Variants in CTNNA3 observed in about 807,000 individuals in gnomAD.
CTNNA3 encodes catenin alpha 3, also known as catenin alpha-3.
CTNNA3 carries 76 observed loss-of-function variants against 95.7 expected under a neutral mutation model. The observed-to-expected ratio is 0.79, with a 90% confidence interval of 0.66 to 0.96. The LOEUF (loss-of-function observed/expected upper bound fraction) is 0.96. Among genes scored for constraint, CTNNA3 ranks in the 40% least tolerant of loss-of-function variants. CTNNA3 has a pLI of 0.00. For missense variants in CTNNA3, 1,191 were observed against 1,089.8 expected (o/e 1.09, Z -1.31); for synonymous variants, 431 against 374.4 (o/e 1.15, Z -1.74).
At chr10:67,301,963 G>A (rs1197392368) in intron 5 of CTNNA3, among the ~76,000 whole-genome samples, 1 of 123,680 alleles carries the variant, frequency 8.1e-6, no homozygotes, top group Non-Finnish European at 1.6e-5. Context: ...AGCGAGACTC[G>A]TCAAGAAAGA....
chr10:66,023,099 AAC>A (rs2079256660), intron 15 of CTNNA3, among the ~76,000 whole-genome samples: 1 of 14,890 alleles, frequency 6.7e-5, no homozygotes, highest in South Asian at 2.9e-3. Context: ...TTTTTAAACC[AAC>A]CATCTCTAGT....
At position 66,199,783 on chromosome 10, in the gene CTNNA3, ATATATATATATATATATATATATTTTTTT is replaced by A. The variant is rs1346530490; in HGVS notation, c.1884+80658_1884+80686del. On this transcript the variant is annotated intron_variant, in intron 13 of 17. Coordinates refer to ENST00000433211, the MANE Select transcript of CTNNA3 (RefSeq NM_013266.4). ...CGCCTGGCTATATATATATATATAT[ATATATATATATATATATATATATTTTTTT>A]TTTTTTTTTTTTTTTTTTTTTAGTA... is the stretch of plus-strand genomic sequence containing the variant. 1.2e-3 allele frequency among the ~76,000 whole-genome samples: 12 copies of A among 10,306 alleles called. 1 individual carries two copies. The highest frequency in any genetic ancestry group is 3.4e-3 in the African/African-American group (8 of 2,382). 6.8% of individuals were successfully genotyped at this position (10,306 alleles called of 152,430 possible).
At chr10:66,934,112 T>G (rs536446286) in intron 7 of CTNNA3, among the ~76,000 whole-genome samples, 14 of 152,256 alleles carry the variant, frequency 9.2e-5, no homozygotes, top group Admixed American at 5.9e-4. Context: ...ACCAAGCAAG[T>G]ACAATGTATT....
chr10:67,291,028 G>T (rs571046331), intron 5 of CTNNA3, among the ~76,000 whole-genome samples: 1 of 152,010 alleles, frequency 6.6e-6, no homozygotes, highest in Non-Finnish European at 1.5e-5. Context: ...AAAACATAAG[G>T]TTGAAAGGAT....
At chr10:67,103,429 C>G (rs1209977424) in intron 7 of CTNNA3, among the ~76,000 whole-genome samples, 1 of 151,708 alleles carries the variant, frequency 6.6e-6, no homozygotes, top group Non-Finnish European at 1.5e-5. Context: ...GGGTTAGTTA[C>G]TTGTTAGTTG....
At chr10:66,766,993 C>T (rs1025928145) in intron 8 of CTNNA3, among the ~76,000 whole-genome samples, 1 of 151,996 alleles carries the variant, frequency 6.6e-6, no homozygotes, top group Non-Finnish European at 1.5e-5. Context: ...AATTATTAAA[C>T]AACTATAACA....
chr10:67,490,698 C>A (rs187800270), intron 5 of CTNNA3, among the ~76,000 whole-genome samples: 1 of 151,824 alleles, frequency 6.6e-6, no homozygotes, highest in Non-Finnish European at 1.5e-5. Context: ...ACTCTCATTG[C>A]AAAAATAATG....
At chr10:67,031,681 T>C (rs1332309867) in intron 7 of CTNNA3, among the ~76,000 whole-genome samples, 2 of 152,158 alleles carry the variant, frequency 1.3e-5, no homozygotes, top group Non-Finnish European at 1.5e-5. Context: ...AATTAACAAA[T>C]TGAAATACGC....
At chr10:66,622,329 T>C (rs1306795482) in intron 9 of CTNNA3, among the ~76,000 whole-genome samples, 1 of 152,168 alleles carries the variant, frequency 6.6e-6, no homozygotes, top group Non-Finnish European at 1.5e-5. Context: ...TCATGGGCAC[T>C]GTTTGACATT....
chr10:67,273,203 A>G (rs1229652157), intron 5 of CTNNA3, among the ~76,000 whole-genome samples: 1 of 152,172 alleles, frequency 6.6e-6, no homozygotes, highest in Non-Finnish European at 1.5e-5. Flanking sequence ...GACTAAAACC[A>G]TATATGAAAG....
intron 11 of CTNNA3, among the ~76,000 whole-genome samples, chr10:66,427,000 T>C (rs992377214): frequency 6.6e-6 from 1 of 152,092 alleles, no homozygotes; most frequent in African/African-American, 2.4e-5. Flanking sequence ...CATTTAAATT[T>C]ACTTTGTCTA....
intron 13 of CTNNA3, among the ~76,000 whole-genome samples, chr10:66,152,665 C>A (rs7896982): frequency 6.6e-6 from 1 of 151,750 alleles, no homozygotes; most frequent in Non-Finnish European, 1.5e-5. Context: ...GCAAACTATG[C>A]CTATGACCCT....
chr10:65,920,754 A>G, intron 17 of CTNNA3, 137 bp from the exon 18 acceptor site: 1 of 893,236 alleles, frequency 1.1e-6, no homozygotes, highest in Non-Finnish European at 1.7e-6. Context: ...TGAGCCCAGG[A>G]GGCAAAGGTT....
chr10:66,138,336 T>C (rs2083452726), intron 13 of CTNNA3, among the ~76,000 whole-genome samples: 1 of 152,184 alleles, frequency 6.6e-6, no homozygotes, highest in South Asian at 2.1e-4. Context: ...GTAATTCTTA[T>C]TGTTACAGAT....
At chr10:66,849,935 G>A (rs1843422808) in intron 7 of CTNNA3, among the ~76,000 whole-genome samples, 1 of 151,942 alleles carries the variant, frequency 6.6e-6, no homozygotes, top group African/African-American at 2.4e-5. Context: ...TTCTTACATA[G>A]CCATGAGTAA....
At chr10:66,984,160 A>T (rs1457067757) in intron 7 of CTNNA3, among the ~76,000 whole-genome samples, 5 of 148,484 alleles carry the variant, frequency 3.4e-5, no homozygotes, top group Non-Finnish European at 7.5e-5. Context: ...ACCAAAAAAA[A>T]CACTTTTTAA....
At chr10:66,381,990 C>T (rs541211321) in intron 11 of CTNNA3, among the ~76,000 whole-genome samples, 8 of 152,266 alleles carry the variant, frequency 5.3e-5, no homozygotes, top group Non-Finnish European at 7.4e-5. Context: ...GGAGCAGCTC[C>T]GGTCTGCAGC....
intron 5 of CTNNA3, among the ~76,000 whole-genome samples, chr10:67,426,806 TA>T (rs200822197): frequency 2.1e-3 from 298 of 139,860 alleles, no homozygotes; most frequent in African/African-American, 4.2e-3. Flanking sequence ...AAAGTATAAT[TA>T]AAAAAAAAAA....
At position 66,415,625 on chromosome 10, in the gene CTNNA3, C is replaced by T. The variant is rs145808920; in HGVS notation, c.1532-36273G>A. 3.8e-3 allele frequency among the ~76,000 whole-genome samples: 577 copies of T among 152,264 alleles called. 2 individuals carry two copies. The highest frequency in any genetic ancestry group is 0.015 in the South Asian group (71 of 4,822). ...CACTCTCAGCCCACTGCTGCAACCACAGGAGCTCAAAGACTGGTCCACTTG... is the reference window on the plus strand; with the variant it reads ...CACTCTCAGCCCACTGCTGCAACCATAGGAGCTCAAAGACTGGTCCACTTG... On this transcript the variant is annotated intron_variant, in intron 11 of 17. Transcript: ENST00000433211.
Sources: allele counts gnomAD v4.1 joint callset (sites outside exome capture counted in the v4.1 genomes callset), GRCh38; gene constraint gnomAD v4.1.1; transcripts MANE v1.5; gene names NCBI Gene and HGNC (gene_info 2026-07-23, HGNC 2026-07-21).